SULT2B1: variants seen among roughly 807,000 people sequenced by gnomAD.
SULT2B1 encodes sulfotransferase family 2B member 1.
In SULT2B1, 16 loss-of-function variants were observed where a neutral mutation model predicts 33.2. The observed-to-expected ratio is 0.48, with a 90% CI of 0.33 to 0.73. The LOEUF (loss-of-function observed/expected upper bound fraction) is 0.73, where lower values mean the gene tolerates loss of function less well. Ranked by LOEUF, SULT2B1 falls within the 30% of genes least tolerant of loss-of-function variation. The probability of loss-of-function intolerance (pLI) is 0.02; values close to 1 mark genes in which losing one functional copy is unlikely to be tolerated. For missense variants in SULT2B1, 500 were observed against 506.0 expected (o/e 0.99, Z 0.11); for synonymous variants, 186 against 200.5 (o/e 0.93, Z 0.61).
intron 1 of SULT2B1, among the ~76,000 whole-genome samples, chr19:48,561,987 C>T (rs576627242): frequency 2.0e-5 from 3 of 151,962 alleles, no homozygotes; most frequent in African/African-American, 4.8e-5. Flanking sequence ...TCATTGCTCA[C>T]GCCTGCAATC....
chr19:48,572,219 G>A (rs1418005089), intron 1 of SULT2B1, among the ~76,000 whole-genome samples: 1 of 152,144 alleles, frequency 6.6e-6, no homozygotes, highest in Non-Finnish European at 1.5e-5. Context: ...TCTGCATTTA[G>A]AGGGTGACAT....
chr19:48,587,728 C>T (rs1304209428), intron 3 of SULT2B1, among the ~76,000 whole-genome samples: 1 of 150,956 alleles, frequency 6.6e-6, no homozygotes, highest in African/African-American at 2.4e-5. Context: ...CACATCATTA[C>T]AAGAAATTTT....
intron 6 of SULT2B1, among the ~76,000 whole-genome samples, chr19:48,598,847 G>A (rs1048865845): frequency 3.7e-4 from 57 of 152,228 alleles, no homozygotes; most frequent in Admixed American, 2.6e-4. Flanking sequence ...GGAGGCAGAG[G>A]TTCTGGGCAG....
intron 1 of SULT2B1, among the ~76,000 whole-genome samples, chr19:48,572,506 T>C (rs1018299693): frequency 2.4e-5 from 3 of 125,268 alleles, no homozygotes; most frequent in Non-Finnish European, 5.6e-5. Context: ...AGAGCAAGAC[T>C]CCATCTCAAA....
rs750141634 is a variant in SULT2B1 at position 48,592,673 on chromosome 19, G to C, written c.551-49G>C. On this transcript the variant is annotated intron_variant, in intron 4 of 6. Coordinates refer to ENST00000201586, the MANE Select transcript of SULT2B1 (RefSeq NM_177973.2). ...AGACCCATGAGCCCCAGTGGGGCTG[G>C]GGGAACCCCGCCACTCAGCCCTCAC... 3.3e-6 allele frequency: 5 copies of C among 1,515,436 alleles called. No homozygotes were observed. The African/African-American group carries it at 5.5e-5, about 17-fold the overall frequency. 93.9% of individuals were successfully genotyped at this position (1,515,436 alleles called of 1,614,324 possible). A position where few individuals can be genotyped will look rare whatever the true frequency, so the allele number is the denominator to read the frequency against.
At chr19:48,562,272 C>T (rs930153925) in intron 1 of SULT2B1, among the ~76,000 whole-genome samples, 3 of 152,168 alleles carry the variant, frequency 2.0e-5, no homozygotes, top group South Asian at 2.1e-4. Context: ...CCTGTAATCC[C>T]AGCTACTCGG....
rs375883620 is a variant in SULT2B1 at position 48,575,980 on chromosome 19, C to T, written c.111C>T (p.Val37=). The change falls in exon 2 of 7, where the codon GTC becomes GTT. Residue 37 remains valine, a synonymous_variant. Coordinates refer to ENST00000201586, the MANE Select transcript of SULT2B1 (RefSeq NM_177973.2). ...GTGAATACTTCCGGTACAAGGGCGT[C>T]CCCTTCCCCGTCGGCCTGTACTCGC... The part of the protein sequence containing the change: ...LPGEYFRYKG[V]PFPVGLYSLE... The T allele has an allele frequency of 2.0e-5, 33 of 1,613,964 alleles. No homozygotes were observed. In the African/African-American group the frequency reaches 2.1e-4, roughly 10 times the overall value.
rs1601095989 is a variant in SULT2B1, at chr19:48,572,984, CTATGT to C, written c.72-2956_72-2952del. On this transcript the variant is annotated intron_variant, in intron 1 of 6. Coordinates refer to ENST00000201586, the MANE Select transcript of SULT2B1 (RefSeq NM_177973.2). ...CCAGCCTGGCCAACATGGTGAAACC[CTATGT>C]CTACTAAAAATACAAAAATCAGTTG... Among the ~76,000 whole-genome samples, 3 of 152,042 alleles carry C rather than the reference CTATGT, an allele frequency of 2.0e-5. No individual in the cohort carries two copies. The East Asian group carries it at 5.8e-4, about 29-fold the overall frequency.
intron 2 of SULT2B1, 118 bp from the exon 3 acceptor site, chr19:48,587,111 T>A (rs1568411898): frequency 6.2e-6 from 4 of 645,104 alleles, no homozygotes; most frequent in East Asian, 6.1e-5. Flanking sequence ...GACTCTGTCT[T>A]AAAAAAAAAT....
At chr19:48,570,702 C>T (rs1487414360) in intron 1 of SULT2B1, among the ~76,000 whole-genome samples, 1 of 134,266 alleles carries the variant, frequency 7.4e-6, no homozygotes, top group Admixed American at 7.4e-5. Flanking sequence ...CTGGTTTTTG[C>T]TGGTTTTTGT....
chr19:48,559,101 C>T (rs900721831), intron 1 of SULT2B1, among the ~76,000 whole-genome samples: 1 of 151,984 alleles, frequency 6.6e-6, no homozygotes. Flanking sequence ...AGAGGGGCTT[C>T]GGGGCCAGCA....
At position 48,596,760 on chromosome 19, in the gene SULT2B1, C is replaced by T. The variant is rs763970039; in HGVS notation, c.667C>T (p.Arg223Cys). The T allele has an allele frequency of 1.3e-5, 21 of 1,606,536 alleles. No homozygotes were observed. Among genetic ancestry groups the T allele is most frequent in the Middle Eastern group, 3.5e-4 (2 of 5,662 alleles). The change falls in exon 6 of 7, where the codon CGC (arginine) becomes TGC (cysteine). Residue 223 changes from arginine to cysteine, a missense_variant. Coordinates refer to ENST00000201586, the MANE Select transcript of SULT2B1 (RefSeq NM_177973.2). ...GCAGGACTTACAGGGCTCCGTGGAG[C>T]GCATCTGTGGGTTCCTGGGCCGTCC... is the stretch of plus-strand genomic sequence containing the variant. ...LQQDLQGSVERICGFLGRPLG... is the reference protein window; with the variant it reads ...LQQDLQGSVECICGFLGRPLG...
chr19:48,565,789 A>C (rs1459970933), intron 1 of SULT2B1, among the ~76,000 whole-genome samples: 4 of 151,866 alleles, frequency 2.6e-5, no homozygotes, highest in Admixed American at 6.6e-5. Context: ...TTGAGACAGG[A>C]TCTTGCCCTG....
intron 2 of SULT2B1, among the ~76,000 whole-genome samples, chr19:48,583,261 C>CT (rs1241023896): frequency 2.6e-5 from 4 of 152,034 alleles, no homozygotes; most frequent in African/African-American, 9.7e-5. Context: ...GGTACAGCTG[C>CT]TATGGAAAAC....
At chr19:48,595,204 C>A (rs1973694300) in intron 5 of SULT2B1, among the ~76,000 whole-genome samples, 1 of 152,050 alleles carries the variant, frequency 6.6e-6, no homozygotes, top group Non-Finnish European at 1.5e-5. Context: ...ATCGCTTGAA[C>A]CCGGGAGGCA....
chr19:48,564,488 G>GCGC lies in SULT2B1; in HGVS notation c.72-11453_72-11452insCGC, dbSNP rs1444488102. On this transcript the variant is annotated intron_variant, in intron 1 of 6. Coordinates refer to ENST00000201586, the MANE Select transcript of SULT2B1 (RefSeq NM_177973.2). ...GAATCGCTTGAACCCAGGAGGCAAG[G>GCGC]TTGCAGTGAGCCGAGATCACACCAC... Among the ~76,000 whole-genome samples, 10 of 142,454 alleles carry GCGC rather than the reference G, an allele frequency of 7.0e-5. 1 individual carries two copies. Among genetic ancestry groups the GCGC allele is most frequent in the Non-Finnish European group, 1.5e-4 (10 of 66,552 alleles). The allele number at this position is 142,454 out of a possible 152,430, so 93.5% of individuals were successfully genotyped here. A position where few individuals can be genotyped will look rare whatever the true frequency, so the allele number is the denominator to read the frequency against.
At chr19:48,567,353 G>A (rs1311381924) in intron 1 of SULT2B1, among the ~76,000 whole-genome samples, 4 of 151,806 alleles carry the variant, frequency 2.6e-5, no homozygotes, top group African/African-American at 4.8e-5. Context: ...CACGAGGTCA[G>A]GAGTTTGAGA....
chr19:48,596,255 G>A, intron 5 of SULT2B1: 1 of 162,654 alleles, frequency 6.1e-6, no homozygotes. Context: ...TGGGGGTGAG[G>A]GGTACCCAGA....
At chr19:48,567,439 G>A (rs1050326005) in intron 1 of SULT2B1, among the ~76,000 whole-genome samples, 2 of 152,136 alleles carry the variant, frequency 1.3e-5, no homozygotes, top group African/African-American at 2.4e-5. Context: ...GTGCACGCCT[G>A]TAATCTCAGC....
Sources: allele counts gnomAD v4.1 joint callset (sites outside exome capture counted in the v4.1 genomes callset), GRCh38; gene constraint gnomAD v4.1.1; transcripts MANE v1.5; gene names NCBI Gene and HGNC (gene_info 2026-07-23, HGNC 2026-07-21).